HNRNPF: variants seen among roughly 807,000 people sequenced by gnomAD.
The protein encoded by HNRNPF is HnRNP F protein.
In HNRNPF, 2 loss-of-function variants were observed where a neutral mutation model predicts 26.0. The observed-to-expected ratio is 0.08, with a 90% CI of 0.03 to 0.24. The LOEUF is 0.24. HNRNPF is among the 10% of genes least tolerant of loss of function. HNRNPF has a pLI of 1.00. For missense variants in HNRNPF, 299 were observed against 539.2 expected (o/e 0.55, Z 4.41); for synonymous variants, 234 against 211.5 (o/e 1.11, Z -0.92).
chr10:43,407,917 G>C (rs986934669), intron 1 of HNRNPF: 2 of 152,160 alleles, frequency 1.3e-5, no homozygotes, highest in Non-Finnish European at 2.9e-5. Flanking sequence ...ATTTTACTCA[G>C]GTATTATTAC....
At chr10:43,401,476 T>G (rs571908043) in intron 1 of HNRNPF, among the ~76,000 whole-genome samples, 1 of 152,202 alleles carries the variant, frequency 6.6e-6, no homozygotes, top group African/African-American at 2.4e-5. Context: ...TCATGATATC[T>G]AAGGTAAATG....
chr10:43,397,450 G>A (rs1838590702), intron 1 of HNRNPF: 1 of 152,378 alleles, frequency 6.6e-6, no homozygotes, highest in Non-Finnish European at 1.5e-5. Flanking sequence ...TTCTCCCGAA[G>A]GGAGCCAGGC....
rs1838526393 is a variant in HNRNPF at position 43,396,550 on chromosome 10, G to A, written c.-206C>T. On this transcript the variant is annotated 5_prime_UTR_variant, in exon 2 of 4. Coordinates refer to ENST00000682386, the MANE Select transcript of HNRNPF (RefSeq NM_001098204.2). ...TTCCACCGAAGCTCAACCACGCAGA[G>A]GGCTCCGGGGAAACTCCAGGTGCAT... 6.6e-6 allele frequency: 1 copy of A among 152,274 alleles called. No homozygotes were observed. Among genetic ancestry groups the A allele is most frequent in the Non-Finnish European group, 1.5e-5 (1 of 68,102 alleles). 9.4% of individuals were successfully genotyped at this position (152,274 alleles called of 1,614,324 possible). A position where few individuals can be genotyped will look rare whatever the true frequency, so the allele number is the denominator to read the frequency against.
Position 43,387,375 on chromosome 10 carries a change from C to T in HNRNPF, c.510G>A (p.Gly170=). 1 of 1,614,182 alleles carries T rather than the reference C, an allele frequency of 6.2e-7. No individual in the cohort carries two copies. Among genetic ancestry groups the T allele is most frequent in the South Asian group, 1.1e-5 (1 of 91,082 alleles). The change falls in exon 4 of 4, where the codon GGG becomes GGA. Residue 170 remains glycine, a synonymous_variant. Coordinates refer to ENST00000682386, the MANE Select transcript of HNRNPF (RefSeq NM_001098204.2). The surrounding 1 kb of genome is among the most constrained non-coding windows in gnomAD (Gnocchi z 6.0). The part of the protein sequence containing the change: ...ASQELAEKAL[G]KHKERIGHRY... ...TGTGCCCTATCCTCTCCTTGTGTTT[C>T]CCTAGAGCCTTCTCAGCTAACTCCT... is the stretch of plus-strand genomic sequence containing the variant.
At chr10:43,393,413 T>C (rs906260440) in intron 3 of HNRNPF, among the ~76,000 whole-genome samples, 21 of 152,072 alleles carry the variant, frequency 1.4e-4, no homozygotes, top group Admixed American at 3.3e-4. Flanking sequence ...CTGACCAACA[T>C]GGAGAAACTC....
intron 3 of HNRNPF, among the ~76,000 whole-genome samples, chr10:43,390,552 C>A (rs1370646481): frequency 6.6e-6 from 1 of 152,184 alleles, no homozygotes; most frequent in African/African-American, 2.4e-5. Flanking sequence ...TTTGTAGAGA[C>A]CTTGGCTTCC....
chr10:43,403,765 G>A (rs751785012), intron 1 of HNRNPF, among the ~76,000 whole-genome samples: 14 of 148,782 alleles, frequency 9.4e-5, no homozygotes, highest in Non-Finnish European at 1.8e-4. Context: ...TTGGGAGGCC[G>A]AGGTGGGCAG....
At chr10:43,404,989 T>TG (rs1564399818) in intron 1 of HNRNPF, among the ~76,000 whole-genome samples, 1 of 152,126 alleles carries the variant, frequency 6.6e-6, no homozygotes, top group Non-Finnish European at 1.5e-5. Context: ...TAACGGGGGA[T>TG]GGAGCCTTTT....
intron 1 of HNRNPF, among the ~76,000 whole-genome samples, chr10:43,400,088 G>A (rs939466873): frequency 6.6e-6 from 1 of 152,182 alleles, no homozygotes; most frequent in Non-Finnish European, 1.5e-5. Context: ...GCTCAAGCCT[G>A]TAACTCCAGC....
intron 3 of HNRNPF, among the ~76,000 whole-genome samples, chr10:43,391,780 T>C (rs1413027268): frequency 1.3e-5 from 2 of 152,190 alleles, no homozygotes; most frequent in Non-Finnish European, 1.5e-5. Flanking sequence ...TTTTTTTCCT[T>C]TTCCCCTTTC....
chr10:43,406,811 A>T (rs1220830413), intron 1 of HNRNPF, among the ~76,000 whole-genome samples: 3 of 152,186 alleles, frequency 2.0e-5, no homozygotes, highest in African/African-American at 7.2e-5. Flanking sequence ...CGCCCGGCCG[A>T]TAATGACTCT....
At position 43,397,033 on chromosome 10, in the gene HNRNPF, G is replaced by T. The variant is rs554394310; in HGVS notation, c.-246-443C>A. Among the ~76,000 whole-genome samples, 4 of 151,754 alleles carry T rather than the reference G, an allele frequency of 2.6e-5. No individual in the cohort carries two copies. The East Asian group carries it at 5.8e-4, about 22-fold the overall frequency. On this transcript the variant is annotated intron_variant, in intron 1 of 3. Transcript: ENST00000682386. ...AGCGCTGCCTAGGCGGGAGCTCGGG[G>T]ACCCGCGGGCCGAGCGCGGCTGAAG...
chr10:43,387,710 C>T lies in HNRNPF; in HGVS notation c.175G>A (p.Val59Ile). Residue 59 changes from valine (V) to isoleucine (I), a missense_variant, in exon 4 of 4, where the codon GTT becomes ATT. Val to Ile is a conservative substitution (Grantham distance 29, BLOSUM62 3). Coordinates refer to ENST00000682386, the MANE Select transcript of HNRNPF (RefSeq NM_001098204.2). This position sits in a 1 kb window ranked among gnomAD's most constrained non-coding sequence, Gnocchi z 6.0. ...ACATCATCTTCTGATCCAAGTTCAA[C>T]AAAAGCCTCACCACTCTGCCTGCCC... The part of the protein sequence containing the change: ...REGRQSGEAF[V>I]ELGSEDDVKM... 1 of 1,614,128 alleles carries T rather than the reference C, an allele frequency of 6.2e-7. No individual in the cohort carries two copies. The highest frequency in any genetic ancestry group is 8.5e-7 in the Non-Finnish European group (1 of 1,180,026).
chr10:43,408,499 G>A (rs1326256307), intron 1 of HNRNPF, among the ~76,000 whole-genome samples: 1 of 152,152 alleles, frequency 6.6e-6, no homozygotes, highest in Non-Finnish European at 1.5e-5. Context: ...CCAGGTTTGC[G>A]GCGCTTAAAC....
intron 3 of HNRNPF, among the ~76,000 whole-genome samples, chr10:43,389,222 T>A (rs569544978): frequency 2.2e-4 from 33 of 152,224 alleles, no homozygotes; most frequent in Admixed American, 2.2e-3. Context: ...TCCGCCCACC[T>A]CAGCTGCCCA....
intron 1 of HNRNPF, among the ~76,000 whole-genome samples, chr10:43,404,384 A>G (rs1334308467): frequency 6.6e-6 from 1 of 152,190 alleles, no homozygotes; most frequent in East Asian, 1.9e-4. Context: ...ATAAATGAAA[A>G]GGAATCGATT....
intron 3 of HNRNPF, 110 bp downstream of exon 3, chr10:43,394,520 A>G (rs1253500511): frequency 6.6e-6 from 1 of 152,200 alleles, no homozygotes; most frequent in Non-Finnish European, 1.5e-5. Flanking sequence ...TGTCCTGCTC[A>G]AGGTTAATGT....
intron 3 of HNRNPF, among the ~76,000 whole-genome samples, chr10:43,394,404 A>C (rs1349168745): frequency 6.6e-6 from 1 of 152,204 alleles, no homozygotes. Context: ...TGTACACTTA[A>C]AACACTTACT....
intron 1 of HNRNPF, chr10:43,397,465 G>A (rs1205772633): frequency 6.6e-6 from 1 of 152,012 alleles, no homozygotes; most frequent in African/African-American, 2.4e-5. Flanking sequence ...CCAGGCGCGA[G>A]CGCGACCTGG....
Sources: allele counts gnomAD v4.1 joint callset (sites outside exome capture counted in the v4.1 genomes callset), GRCh38; gene constraint gnomAD v4.1.1; non-coding constraint Gnocchi (gnomAD v3.1); transcripts MANE v1.5; gene names NCBI Gene and HGNC (gene_info 2026-07-23, HGNC 2026-07-21).